The following PC variants were observed in gnomAD, a reference collection of about 807,000 sequenced individuals.
PC encodes pyruvate carboxylase, also known as pyruvate carboxylase, mitochondrial.
PC carries 46 observed loss-of-function variants against 107.8 expected under a neutral mutation model. That is an observed-to-expected ratio of 0.43 (90% confidence interval 0.34 to 0.55). PC has a LOEUF of 0.55. Among genes scored for constraint, PC ranks in the 20% least tolerant of loss-of-function variants. The probability of loss-of-function intolerance (pLI) is 0.04; values close to 1 mark genes in which losing one functional copy is unlikely to be tolerated. For synonymous variants in PC, 662 were observed against 684.7 expected, an observed-to-expected ratio of 0.97 and a Z score of 0.52; for missense variants, 1,241 against 1,643.1, an observed-to-expected ratio of 0.76 and a Z score of 4.23.
At chr11:66,855,269 C>T (rs561119990) in intron 12 of PC, among the ~76,000 whole-genome samples, 1 of 152,320 alleles carries the variant, frequency 6.6e-6, no homozygotes, top group Non-Finnish European at 1.5e-5. Flanking sequence ...GAACCCGGCT[C>T]CCAGCACTGG....
chr11:66,853,420 C>A, intron 12 of PC, 37 bp from the exon 13 acceptor site: 1 of 1,611,958 alleles, frequency 6.2e-7, no homozygotes. Flanking sequence ...GGTCACCATG[C>A]AGCACAGACA....
intron 3 of PC, among the ~76,000 whole-genome samples, chr11:66,940,462 C>T (rs1949103114): frequency 6.6e-6 from 1 of 151,598 alleles, no homozygotes; most frequent in Non-Finnish European, 1.5e-5. Context: ...CTGAAGCAGG[C>T]AGATCACTTG....
Position 66,870,536 on chromosome 11 carries a change from G to GAC in PC, c.752-84_752-83insGT. The GAC allele has an allele frequency of 6.6e-7, 1 of 1,508,868 alleles. No homozygotes were observed. The highest frequency in any genetic ancestry group is 9.1e-7 in the Non-Finnish European group (1 of 1,101,266). The allele number at this position is 1,508,868 out of a possible 1,614,324, so 93.5% of individuals were successfully genotyped here. A position where few individuals can be genotyped will look rare whatever the true frequency, so the allele number is the denominator to read the frequency against. Reference sequence around the variant, plus strand: ...GCCCCATCACCCCCACATAACCACTGTCGCCAGTCAGTGCCGGCTGCCAGC... The same window carrying GAC: ...GCCCCATCACCCCCACATAACCACTGACTCGCCAGTCAGTGCCGGCTGCCAGC... On this transcript the variant is annotated intron_variant, in intron 8 of 22. Transcript: ENST00000393960. This position sits in a 1 kb window ranked among gnomAD's most constrained non-coding sequence, Gnocchi z 6.1.
intron 3 of PC, among the ~76,000 whole-genome samples, chr11:66,913,410 C>T (rs1210009325): frequency 2.0e-5 from 3 of 151,878 alleles, no homozygotes; most frequent in African/African-American, 4.8e-5. Context: ...GCAGGCTGGG[C>T]GCAGTGGCTC....
Position 66,870,906 on chromosome 11 carries a change from C to T in PC, c.634-14G>A. 6.2e-7 allele frequency: 1 copy of T among 1,610,472 alleles called. No individual in the cohort carries two copies. Among genetic ancestry groups the T allele is most frequent in the Non-Finnish European group, 8.5e-7 (1 of 1,178,926 alleles). ...CTCCTCCAGCTCCTGCGAGGGCGGG[C>T]AGGGGCCAGCCAGACCTCAGACCCC... On this transcript the variant is annotated splice_polypyrimidine_tract_variant and intron_variant, in intron 7 of 22. Transcript: ENST00000393960. The surrounding 1 kb of genome is among the most constrained non-coding windows in gnomAD (Gnocchi z 6.1).
intron 3 of PC, among the ~76,000 whole-genome samples, chr11:66,906,639 G>A (rs1948173079): frequency 6.6e-6 from 1 of 151,432 alleles, no homozygotes; most frequent in East Asian, 1.9e-4. Context: ...TTCCCCCTAC[G>A]AGCATGCCCA....
At chr11:66,934,666 C>A (rs768017321) in intron 3 of PC, among the ~76,000 whole-genome samples, 4 of 152,158 alleles carry the variant, frequency 2.6e-5, no homozygotes, top group Non-Finnish European at 4.4e-5. Context: ...CAGTCTCACT[C>A]TGTTGCCCAG....
chr11:66,901,032 T>C (rs1947938829), intron 3 of PC, among the ~76,000 whole-genome samples: 1 of 152,214 alleles, frequency 6.6e-6, no homozygotes, highest in Admixed American at 6.5e-5. Flanking sequence ...CTAGTTTTGA[T>C]TTGGCAGCCC....
intron 3 of PC, among the ~76,000 whole-genome samples, chr11:66,890,212 G>A (rs569545440): frequency 5.3e-5 from 8 of 152,268 alleles, no homozygotes; most frequent in African/African-American, 1.7e-4. Flanking sequence ...CCCTTTGTCC[G>A]TGAGAACACA....
chr11:66,860,233 C>T (rs1447931514), intron 12 of PC: 1 of 1,539,204 alleles, frequency 6.5e-7, no homozygotes, highest in South Asian at 1.2e-5. Flanking sequence ...AGGGATGAGC[C>T]TCGTGGGGCA....
intron 3 of PC, among the ~76,000 whole-genome samples, chr11:66,934,065 G>A (rs892623256): frequency 2.6e-5 from 4 of 152,132 alleles, no homozygotes; most frequent in African/African-American, 9.7e-5. Context: ...CCACGCCAGC[G>A]AGGCTGGGGC....
intron 11 of PC, among the ~76,000 whole-genome samples, chr11:66,864,385 G>A (rs1946405225): frequency 1.3e-5 from 2 of 152,238 alleles, no homozygotes; most frequent in Admixed American, 1.3e-4. Flanking sequence ...AAAGGGCCTC[G>A]CCGTGGGCTC....
intron 3 of PC, among the ~76,000 whole-genome samples, chr11:66,879,448 G>C (rs1041168308): frequency 6.6e-6 from 1 of 151,960 alleles, no homozygotes; most frequent in East Asian, 1.9e-4. Flanking sequence ...GTTGCAGAGA[G>C]GGGGGCACCT....
chr11:66,912,290 G>A (rs1404446371), intron 3 of PC, among the ~76,000 whole-genome samples: 1 of 152,184 alleles, frequency 6.6e-6, no homozygotes, highest in African/African-American at 2.4e-5. Flanking sequence ...GAACCTCTTG[G>A]TATTGTTATG....
intron 3 of PC, among the ~76,000 whole-genome samples, chr11:66,931,112 C>G (rs1948836320): frequency 6.6e-6 from 1 of 152,080 alleles, no homozygotes; most frequent in African/African-American, 2.4e-5. Context: ...GGTGTGGTGG[C>G]TTACATCTGT....
Position 66,871,215 on chromosome 11 carries a change from TG to T in PC, c.488-19del. The stretch of plus-strand genomic sequence containing the variant: ...GGGAACACCTGTTGGGAGAAAGGTG[TG>T]GGGGAGTCTCTGTAACAGGCGGGAA... On this transcript the variant is annotated intron_variant, in intron 6 of 22. Transcript: ENST00000393960. The surrounding 1 kb of genome is among the most constrained non-coding windows in gnomAD (Gnocchi z 7.4). 6.2e-7 allele frequency: 1 copy of T among 1,612,926 alleles called. No individual in the cohort carries two copies. Among genetic ancestry groups the T allele is most frequent in the Non-Finnish European group, 8.5e-7 (1 of 1,179,170 alleles).
intron 12 of PC, among the ~76,000 whole-genome samples, chr11:66,861,977 C>T (rs1946283245): frequency 4.6e-5 from 7 of 152,124 alleles, no homozygotes; most frequent in Admixed American, 4.6e-4. Flanking sequence ...TGGGGAGCTG[C>T]TGAGGGTGAG....
intron 3 of PC, among the ~76,000 whole-genome samples, chr11:66,945,030 G>A (rs1047102683): frequency 8.5e-6 from 1 of 117,672 alleles, no homozygotes; most frequent in African/African-American, 3.0e-5. Flanking sequence ...CGGGAGGTTA[G>A]GGAGAGGCCA....
intron 3 of PC, among the ~76,000 whole-genome samples, chr11:66,897,007 C>T (rs988834492): frequency 2.0e-4 from 30 of 152,170 alleles, no homozygotes; most frequent in African/African-American, 6.8e-4. Context: ...TCTCGGCTCA[C>T]TGCAACCTCT....
Sources: allele counts gnomAD v4.1 joint callset (sites outside exome capture counted in the v4.1 genomes callset), GRCh38; gene constraint gnomAD v4.1.1; non-coding constraint Gnocchi (gnomAD v3.1); transcripts MANE v1.5; gene names NCBI Gene and HGNC (gene_info 2026-07-23, HGNC 2026-07-21).